The following ASNSD1 variants were observed in gnomAD, a reference collection of about 807,000 sequenced individuals.
The protein encoded by ASNSD1 is asparagine synthetase domain-containing protein 1.
A neutral mutation model predicts 48.3 loss-of-function variants in ASNSD1; 36 were observed. The observed-to-expected ratio is 0.75, with a 90% CI of 0.57 to 0.99. The LOEUF is 0.99. ASNSD1 is among the 50% of genes least tolerant of loss of function. The pLI, the probability that ASNSD1 is intolerant of heterozygous loss-of-function variation, is 0.00. For synonymous variants in ASNSD1, 257 were observed against 262.1 expected, an observed-to-expected ratio of 0.98 and a Z score of 0.19; for missense variants, 714 against 758.2, an observed-to-expected ratio of 0.94 and a Z score of 0.69.
At chr2:189,665,489 T>A (rs2032764274) in intron 3 of ASNSD1, 38 bp downstream of exon 3, 1 of 394,562 alleles carries the variant, frequency 2.5e-6, no homozygotes, top group Non-Finnish European at 4.5e-6. Context: ...GGGGGGTGCC[T>A]AAATTATACT....
In ASNSD1 at chr2:189,667,362, G is replaced by T. The variant is rs777310473; in HGVS notation, c.1230G>T (p.Arg410Ser). ...HVSVPDRITG[R>S]AGLKELQAVS... ...GTGTACCAGATCGAATCACAGGAAG[G>T]GCGGGACTAAAGGAACTACAAGCTG... is the stretch of plus-strand genomic sequence containing the variant. The change falls in exon 4 of 6, where the codon AGG becomes AGT. Residue 410 changes from arginine (R) to serine (S), a missense_variant. Arg to Ser is a moderately radical substitution (Grantham distance 110). Transcript: ENST00000260952. 6.2e-6 allele frequency: 10 copies of T among 1,614,046 alleles called. No homozygotes were observed. The highest frequency in any genetic ancestry group is 8.5e-6 in the Non-Finnish European group (10 of 1,180,034).
chr2:189,670,469 T>C lies in ASNSD1; in HGVS notation c.1675T>C (p.Ser559Pro). ...RFPFLDENVV[S>P]FLNSLPIWEK... ...TCCTTTCCTGGATGAAAATGTTGTC[T>C]CCTTTCTAAATTCTCTGCCGATTTG... Residue 559 changes from serine to proline, a missense_variant, in exon 6 of 6, where the codon TCC becomes CCC. Ser to Pro is a moderately conservative substitution (Grantham distance 74, BLOSUM62 -1). Coordinates refer to ENST00000260952, the MANE Select transcript of ASNSD1 (RefSeq NM_019048.4). 11 of 1,612,086 alleles carry C rather than the reference T, an allele frequency of 6.8e-6. No homozygotes were observed. Among genetic ancestry groups the C allele is most frequent in the Admixed American group, 1.7e-5 (1 of 59,760 alleles).
At chr2:189,665,987 AAAAGT>A in intron 3 of ASNSD1, 49 bp from the exon 4 acceptor site, 1 of 899,842 alleles carries the variant, frequency 1.1e-6, no homozygotes, top group Non-Finnish European at 1.6e-6. Flanking sequence ...ATTGCTAGGT[AAAAGT>A]CCAAGAATTT....
At chr2:189,662,788 A>C (rs939954673) in intron 1 of ASNSD1, among the ~76,000 whole-genome samples, 3 of 152,084 alleles carry the variant, frequency 2.0e-5, no homozygotes, top group African/African-American at 7.2e-5. Context: ...CTCCCCTACA[A>C]ATAAATGAAG....
chr2:189,665,594 A>G (rs1441224599), intron 3 of ASNSD1, 143 bp downstream of exon 3: 482 of 20,424 alleles, frequency 0.024, 11 homozygotes, highest in African/African-American at 0.057. Flanking sequence ...TTATATATAT[A>G]TGTGTATATA....
chr2:189,661,709 C>T (rs1190750521), intron 1 of ASNSD1, 99 bp downstream of exon 1: 1 of 398,636 alleles, frequency 2.5e-6, no homozygotes, highest in African/African-American at 2.1e-5. Context: ...CCTGCCTGGG[C>T]CTCGGCTTTG....
At chr2:189,665,583 G>C (rs1367138954) in intron 3 of ASNSD1, 132 bp downstream of exon 3, 2 of 154,978 alleles carry the variant, frequency 1.3e-5, no homozygotes, top group Non-Finnish European at 1.2e-5. Context: ...TGAGTCAACA[G>C]TTATATATAT....
rs144769459 is a variant in ASNSD1 at position 189,661,477 on chromosome 2, T to A, written c.-356T>A. On this transcript the variant is annotated 5_prime_UTR_variant, in exon 1 of 6. Coordinates refer to ENST00000260952, the MANE Select transcript of ASNSD1 (RefSeq NM_019048.4). Reference sequence around the variant, plus strand: ...ATGCGCTGTGGCTAATGCCGTAGGCTCCTTCAGGGCTGAGCCATCCCGCGT... The same window carrying A: ...ATGCGCTGTGGCTAATGCCGTAGGCACCTTCAGGGCTGAGCCATCCCGCGT... 2.5e-6 allele frequency: 1 copy of A among 398,980 alleles called. No homozygotes were observed. Among genetic ancestry groups the A allele is most frequent in the Non-Finnish European group, 4.4e-6 (1 of 226,154 alleles). The allele number at this position is 398,980 out of a possible 1,614,324, so 24.7% of individuals were successfully genotyped here. A position where few individuals can be genotyped will look rare whatever the true frequency, so the allele number is the denominator to read the frequency against.
At position 189,667,507 on chromosome 2, in the gene ASNSD1, A is replaced by G. The variant is rs774461570; in HGVS notation, c.1375A>G (p.Ser459Gly). 9.3e-6 allele frequency: 15 copies of G among 1,614,206 alleles called. No homozygotes were observed. Among genetic ancestry groups the G allele is most frequent in the Non-Finnish European group, 1.3e-5 (15 of 1,180,026 alleles). ...GCCATTGGATACAGTTTTGGATGAT[A>G]GCATTGGCTGTGCAGTCTGGTTTGC... ...IRPLDTVLDD[S>G]IGCAVWFASR... Residue 459 changes from serine (S) to glycine (G), a missense_variant, in exon 4 of 6, where the codon AGC (serine) becomes GGC (glycine). Coordinates refer to ENST00000260952, the MANE Select transcript of ASNSD1 (RefSeq NM_019048.4).
intron 1 of ASNSD1, among the ~76,000 whole-genome samples, chr2:189,662,965 AAAAAG>A (rs1318291597): frequency 1.3e-5 from 2 of 151,182 alleles, no homozygotes; most frequent in Non-Finnish European, 3.0e-5. Flanking sequence ...AAAAAAAAAA[AAAAAG>A]CCCAGTTCAA....
chr2:189,665,951 G>A (rs2032791639), intron 3 of ASNSD1, 90 bp from the exon 4 acceptor site: 1 of 551,056 alleles, frequency 1.8e-6, no homozygotes, highest in African/African-American at 1.9e-5. Flanking sequence ...GTTTGATTTT[G>A]GTAAACAGCT....
At chr2:189,663,016 G>A (rs1250351861) in intron 1 of ASNSD1, among the ~76,000 whole-genome samples, 2 of 146,700 alleles carry the variant, frequency 1.4e-5, no homozygotes, top group African/African-American at 5.1e-5. Flanking sequence ...GAGATAAAAA[G>A]AGGGAAAAAT....
chr2:189,668,164 A>G (rs1339185512), intron 5 of ASNSD1, among the ~76,000 whole-genome samples: 1 of 152,234 alleles, frequency 6.6e-6, no homozygotes, highest in African/African-American at 2.4e-5. Context: ...ATGTCTTTTC[A>G]GTAATTTTCA....
intron 2 of ASNSD1, among the ~76,000 whole-genome samples, chr2:189,664,322 A>G (rs1376207603): frequency 6.6e-6 from 1 of 152,240 alleles, no homozygotes; most frequent in Non-Finnish European, 1.5e-5. Context: ...AATGTGGATA[A>G]TTATTGAACA....
At position 189,666,435 on chromosome 2, in the gene ASNSD1, C is replaced by T; in HGVS notation, c.303C>T (p.Ser101=). Residue 101 remains serine, a synonymous_variant, in exon 4 of 6, where the codon TCC becomes TCT. Transcript: ENST00000260952. ...DTQILFNYLS[S]CKNESEILSL... ...AAATTTTGTTTAATTATCTTTCCTC[C>T]TGTAAGAATGAATCTGAGATTTTGT... 6.2e-7 allele frequency: 1 copy of T among 1,613,822 alleles called. No homozygotes were observed. Among genetic ancestry groups the T allele is most frequent in the Non-Finnish European group, 8.5e-7 (1 of 1,179,910 alleles).
Position 189,670,498 on chromosome 2 carries a change from A to T in ASNSD1, c.1704A>T (p.Glu568Asp). Residue 568 changes from glutamate (E) to aspartate (D), a missense_variant, in exon 6 of 6, where the codon GAA becomes GAT. Glu to Asp is a conservative substitution (Grantham distance 45, BLOSUM62 2). Coordinates refer to ENST00000260952, the MANE Select transcript of ASNSD1 (RefSeq NM_019048.4). ...VSFLNSLPIW[E>D]KANLTLPRGI... ...TTCTAAATTCTCTGCCGATTTGGGA[A>T]AAAGCAAACTTGACTTTACCCCGAG... 6.2e-7 allele frequency: 1 copy of T among 1,613,338 alleles called. No homozygotes were observed. Among genetic ancestry groups the T allele is most frequent in the Non-Finnish European group, 8.5e-7 (1 of 1,179,602 alleles).
Position 189,666,570 on chromosome 2 carries a change from T to C in ASNSD1, c.438T>C (p.His146=). 1 of 1,614,074 alleles carries C rather than the reference T, an allele frequency of 6.2e-7. No individual in the cohort carries two copies. The highest frequency in any genetic ancestry group is 1.1e-5 in the South Asian group (1 of 91,074). The part of the protein sequence containing the change: ...DFFGRRSLLW[H]FSNLGKSFCL... ...TTGGTCGCCGTAGCTTGCTTTGGCA[T>C]TTTAGTAATTTGGGCAAGAGTTTCT... is the stretch of plus-strand genomic sequence containing the variant. The change falls in exon 4 of 6, where the codon CAT becomes CAC. Residue 146 remains histidine (H), a synonymous_variant. Transcript: ENST00000260952.
chr2:189,669,490 C>T (rs756692977), intron 5 of ASNSD1, among the ~76,000 whole-genome samples: 2 of 152,180 alleles, frequency 1.3e-5, no homozygotes, highest in South Asian at 2.1e-4. Flanking sequence ...TAATTTATTA[C>T]GTATCTTGAC....
chr2:189,661,475 G>T lies in ASNSD1; in HGVS notation c.-358G>T, dbSNP rs1178189578. 19 of 399,212 alleles carry T rather than the reference G, an allele frequency of 4.8e-5. No individual in the cohort carries two copies. The East Asian group carries it at 6.8e-4, about 14-fold the overall frequency. 24.7% of individuals were successfully genotyped at this position (399,212 alleles called of 1,614,324 possible). A position where few individuals can be genotyped will look rare whatever the true frequency, so the allele number is the denominator to read the frequency against. On this transcript the variant is annotated 5_prime_UTR_variant, in exon 1 of 6. Coordinates refer to ENST00000260952, the MANE Select transcript of ASNSD1 (RefSeq NM_019048.4). ...GCATGCGCTGTGGCTAATGCCGTAG[G>T]CTCCTTCAGGGCTGAGCCATCCCGC...
Sources: gnomAD v4.1 joint callset for allele counts (sites outside exome capture counted in the v4.1 genomes callset) on GRCh38, gnomAD v4.1.1 for gene constraint, MANE v1.5 for transcripts, NCBI Gene and HGNC (gene_info 2026-07-23, HGNC 2026-07-21) for gene names.